NSRP1: variants seen among roughly 807,000 people sequenced by gnomAD.
NSRP1 encodes nuclear speckle splicing regulatory protein 1.
A neutral mutation model predicts 54.7 loss-of-function variants in NSRP1; 24 were observed. The ratio of observed to expected loss-of-function variants is 0.44; its 90% CI spans 0.32 to 0.62. The LOEUF is 0.62. Ranked by LOEUF, NSRP1 falls within the 20% of genes least tolerant of loss-of-function variation. The pLI is 0.06. For synonymous variants in NSRP1, 210 were observed against 213.8 expected, an observed-to-expected ratio of 0.98 and a Z score of 0.15; for missense variants, 596 against 651.2, an observed-to-expected ratio of 0.92 and a Z score of 0.92.
chr17:30,152,398 G>A (rs544834269), intron 2 of NSRP1, among the ~76,000 whole-genome samples: 5 of 149,700 alleles, frequency 3.3e-5, no homozygotes, highest in East Asian at 3.9e-4. Flanking sequence ...GATTACAGGC[G>A]TGAGCCACCG....
At chr17:30,176,000 A>C (rs1905111615) in intron 3 of NSRP1, among the ~76,000 whole-genome samples, 3 of 145,034 alleles carry the variant, frequency 2.1e-5, no homozygotes, top group Non-Finnish European at 3.1e-5. Context: ...AAGACTCCGA[A>C]CCCCCCCCCC....
rs1041057021 is a variant in NSRP1 at position 30,116,867 on chromosome 17, A to G, written c.20+4A>G. The G allele has an allele frequency of 1.9e-6, 3 of 1,573,958 alleles. No homozygotes were observed. Among genetic ancestry groups the G allele is most frequent in the Admixed American group, 1.9e-5 (1 of 53,642 alleles). On this transcript the variant is annotated splice_donor_region_variant and intron_variant, in intron 1 of 6. Transcript: ENST00000247026. ...AGATGGCGATTCCGGGCAGGCAGTGAGTGATCCGGGAGTTAGGGTCAGGCT... is the reference window on the plus strand; with the variant it reads ...AGATGGCGATTCCGGGCAGGCAGTGGGTGATCCGGGAGTTAGGGTCAGGCT...
At chr17:30,125,942 T>G (rs972252741) in intron 2 of NSRP1, 6 of 152,198 alleles carry the variant, frequency 3.9e-5, no homozygotes, top group African/African-American at 1.4e-4. Flanking sequence ...GGTGAAAGTT[T>G]TTACACCATA....
At chr17:30,162,024 CT>C (rs200678690) in intron 2 of NSRP1, among the ~76,000 whole-genome samples, 63,668 of 127,092 alleles carry the variant, frequency 0.5, 14,212 homozygotes, top group East Asian at 0.75. Context: ...ATAGCCATGT[CT>C]TTTTTTTTTT....
chr17:30,147,511 C>A (rs1056036221), intron 2 of NSRP1, among the ~76,000 whole-genome samples: 6 of 151,330 alleles, frequency 4.0e-5, no homozygotes, highest in Non-Finnish European at 5.9e-5. Context: ...GTTGCCCAGG[C>A]TGGAGCGCAG....
intron 2 of NSRP1, among the ~76,000 whole-genome samples, chr17:30,168,584 ATAATAATAG>A (rs1011003162): frequency 9.4e-5 from 14 of 148,492 alleles, no homozygotes; most frequent in African/African-American, 3.4e-4. Flanking sequence ...TATAATAATA[ATAATAATAG>A]TAATAATAAT....
chr17:30,163,926 T>C (rs1904634220), intron 2 of NSRP1, among the ~76,000 whole-genome samples: 1 of 152,100 alleles, frequency 6.6e-6, no homozygotes, highest in South Asian at 2.1e-4. Context: ...CCTCAGGTGA[T>C]CTGCCCTCCT....
At chr17:30,138,908 C>CGTT (rs1567793694) in intron 2 of NSRP1, among the ~76,000 whole-genome samples, 3 of 64,926 alleles carry the variant, frequency 4.6e-5, no homozygotes, top group East Asian at 2.7e-3. Context: ...CAAGTCTTAG[C>CGTT]GTTTTTTTTT....
chr17:30,149,565 A>G (rs1327673067), intron 2 of NSRP1, among the ~76,000 whole-genome samples: 3 of 152,166 alleles, frequency 2.0e-5, no homozygotes, highest in African/African-American at 4.8e-5. Context: ...AGCCAGGTGC[A>G]GTGGCCTGTA....
At chr17:30,117,992 G>A in intron 1 of NSRP1, 88 bp from the exon 2 acceptor site, 2 of 1,025,534 alleles carry the variant, frequency 2.0e-6, no homozygotes, top group Non-Finnish European at 3.0e-6. Context: ...GTTTTGATTT[G>A]GTAGCTTCAT....
At chr17:30,160,230 G>T (rs575053911) in intron 2 of NSRP1, among the ~76,000 whole-genome samples, 25 of 152,218 alleles carry the variant, frequency 1.6e-4, no homozygotes, top group Admixed American at 7.9e-4. Flanking sequence ...TTTTGCATCT[G>T]TGTTCAACTA....
At chr17:30,173,005 C>T (rs573471462) in intron 3 of NSRP1, among the ~76,000 whole-genome samples, 40 of 151,224 alleles carry the variant, frequency 2.6e-4, no homozygotes, top group African/African-American at 9.7e-4. Context: ...GCTCTGTTGC[C>T]CAGGCTGGAG....
At chr17:30,177,237 G>T (rs868147908) in intron 3 of NSRP1, among the ~76,000 whole-genome samples, 3 of 152,162 alleles carry the variant, frequency 2.0e-5, no homozygotes, top group Middle Eastern at 6.8e-3. Context: ...CAGGCATGGT[G>T]GCACACGCCT....
intron 2 of NSRP1, among the ~76,000 whole-genome samples, chr17:30,165,645 G>A (rs1046602531): frequency 4.6e-5 from 7 of 152,072 alleles, no homozygotes; most frequent in Admixed American, 1.3e-4. Flanking sequence ...ATGTTTTGGG[G>A]GCAGTGTATT....
intron 2 of NSRP1, among the ~76,000 whole-genome samples, chr17:30,157,176 A>G (rs1041577069): frequency 3.3e-5 from 5 of 152,122 alleles, no homozygotes; most frequent in African/African-American, 1.2e-4. Context: ...CTTTTTGATA[A>G]TAGCTATTCT....
At chr17:30,127,317 A>G (rs977885318) in intron 2 of NSRP1, among the ~76,000 whole-genome samples, 5 of 152,216 alleles carry the variant, frequency 3.3e-5, no homozygotes, top group Non-Finnish European at 5.9e-5. Flanking sequence ...AATGTCGGCA[A>G]TTGAAATGTT....
intron 2 of NSRP1, among the ~76,000 whole-genome samples, chr17:30,128,958 A>G (rs529498563): frequency 6.6e-6 from 1 of 150,642 alleles, no homozygotes; most frequent in East Asian, 1.9e-4. Flanking sequence ...GGGTCTCGCT[A>G]TATTGCCCAG....
chr17:30,132,281 A>C (rs893187686), intron 2 of NSRP1, among the ~76,000 whole-genome samples: 19 of 141,102 alleles, frequency 1.3e-4, no homozygotes, highest in Non-Finnish European at 2.1e-4. Context: ...AAACCAGTGC[A>C]GTGGCTCATG....
intron 2 of NSRP1, among the ~76,000 whole-genome samples, chr17:30,165,649 G>C (rs1444767818): frequency 2.6e-5 from 4 of 152,168 alleles, no homozygotes; most frequent in Non-Finnish European, 4.4e-5. Flanking sequence ...TTTGGGGGCA[G>C]TGTATTTTTG....
Sources: gnomAD v4.1 joint callset for allele counts (sites outside exome capture counted in the v4.1 genomes callset) on GRCh38, gnomAD v4.1.1 for gene constraint, MANE v1.5 for transcripts, NCBI Gene and HGNC (gene_info 2026-07-23, HGNC 2026-07-21) for gene names.